Variants in RINT1 observed in about 807,000 individuals in gnomAD.
The protein encoded by RINT1 is RAD50 interactor 1.
In RINT1, 75 loss-of-function variants were observed where a neutral mutation model predicts 97.7. The observed-to-expected ratio is 0.77, with a 90% CI of 0.64 to 0.93. The LOEUF is 0.93. Among genes scored for constraint, RINT1 ranks in the 40% least tolerant of loss-of-function variants. The probability of loss-of-function intolerance (pLI) is 0.00; values close to 1 mark genes in which losing one functional copy is unlikely to be tolerated. For missense variants in RINT1, 892 were observed against 925.2 expected, an observed-to-expected ratio of 0.96 and a Z score of 0.47; for synonymous variants, 303 against 326.3, an observed-to-expected ratio of 0.93 and a Z score of 0.77.
intron 3 of RINT1, among the ~76,000 whole-genome samples, chr7:105,539,602 T>G (rs1396792803): frequency 6.6e-6 from 1 of 152,104 alleles, no homozygotes; most frequent in East Asian, 1.9e-4. Context: ...TCAGGTGATC[T>G]GCCCGAAAGT....
At chr7:105,539,310 G>A (rs1202493408) in intron 3 of RINT1, among the ~76,000 whole-genome samples, 1 of 150,344 alleles carries the variant, frequency 6.7e-6, no homozygotes, top group African/African-American at 2.4e-5. Flanking sequence ...CAAGTCATCT[G>A]AGTTCAGCCT....
In RINT1 at chr7:105,547,031, A is replaced by C. The variant is rs1193018133; in HGVS notation, c.637A>C (p.Met213Leu). 1 of 1,614,068 alleles carries C rather than the reference A, an allele frequency of 6.2e-7. No individual in the cohort carries two copies. Among genetic ancestry groups the C allele is most frequent in the South Asian group, 1.1e-5 (1 of 91,044 alleles). The part of the protein sequence containing the change: ...ESSCTHLLGF[M>L]RATVKFWHKI... ...ATCTTGTACTCATCTTCTTGGTTTC[A>C]TGAGAGCCACAGTTAAATTCTGGCA... The change falls in exon 5 of 15, where the codon ATG becomes CTG. Residue 213 changes from methionine to leucine, a missense_variant. Met to Leu is a conservative substitution (Grantham distance 15, BLOSUM62 2). Coordinates refer to ENST00000257700, the MANE Select transcript of RINT1 (RefSeq NM_021930.6).
At chr7:105,554,496 T>G (rs1167849633) in intron 10 of RINT1, among the ~76,000 whole-genome samples, 1 of 151,406 alleles carries the variant, frequency 6.6e-6, no homozygotes, top group African/African-American at 2.4e-5. Context: ...TGGAAAGCAG[T>G]GGTGCCATGT....
intron 1 of RINT1, 22 bp from the exon 2 acceptor site, chr7:105,532,802 G>C: frequency 6.2e-7 from 1 of 1,613,774 alleles, no homozygotes; most frequent in South Asian, 1.1e-5. Context: ...TAATGTGCTT[G>C]TCACATCTGT....
intron 3 of RINT1, among the ~76,000 whole-genome samples, chr7:105,538,531 A>G (rs1223053355): frequency 6.6e-6 from 1 of 152,130 alleles, no homozygotes; most frequent in Non-Finnish European, 1.5e-5. Context: ...AGCTGAGTAG[A>G]TTGATGCCAA....
chr7:105,534,275 G>A (rs967559950), intron 2 of RINT1, among the ~76,000 whole-genome samples: 1 of 152,056 alleles, frequency 6.6e-6, no homozygotes, highest in Non-Finnish European at 1.5e-5. Context: ...CACCATTTTG[G>A]TTAGGCTGGT....
At chr7:105,536,245 G>A (rs1187382475) in intron 2 of RINT1, among the ~76,000 whole-genome samples, 1 of 152,096 alleles carries the variant, frequency 6.6e-6, no homozygotes, top group East Asian at 1.9e-4. Flanking sequence ...TGCAACCTCT[G>A]CCTCTTGGGT....
chr7:105,550,192 T>C, intron 8 of RINT1, 27 bp downstream of exon 8: 1 of 1,605,610 alleles, frequency 6.2e-7, no homozygotes, highest in South Asian at 1.1e-5. Context: ...TAAGTGTTTC[T>C]GTTTTAGAAC....
chr7:105,532,382 G>A, intron 1 of RINT1, 25 bp downstream of exon 1: 2 of 1,595,932 alleles, frequency 1.3e-6, no homozygotes, highest in Non-Finnish European at 1.7e-6. Flanking sequence ...GCGTCCCTGG[G>A]AGGGGACATT....
At chr7:105,547,475 A>G in intron 6 of RINT1, 142 bp downstream of exon 6, 1 of 773,316 alleles carries the variant, frequency 1.3e-6, no homozygotes, top group East Asian at 2.5e-5. Flanking sequence ...ATGTCCACTG[A>G]GTGGTGGACT....
In RINT1 at chr7:105,542,546, G is replaced by A. The variant is rs760885620; in HGVS notation, c.412G>A (p.Ala138Thr). Residue 138 changes from alanine (A) to threonine (T), a missense_variant, in exon 4 of 15, where the codon GCG (alanine) becomes ACG (threonine). Transcript: ENST00000257700. The stretch of plus-strand genomic sequence containing the variant: ...CGCCATTAACAGCCATTTGCTGACT[G>A]CGCAACCTTGGATGGACGATCTTGG... The part of the protein sequence containing the change: ...FSAINSHLLT[A>T]QPWMDDLGTM... 6 of 1,614,046 alleles carry A rather than the reference G, an allele frequency of 3.7e-6. No homozygotes were observed. Among genetic ancestry groups the A allele is most frequent in the Non-Finnish European group, 5.1e-6 (6 of 1,180,044 alleles).
rs746150202 is a variant in RINT1 at position 105,567,611 on chromosome 7, C to T, written c.*300C>T. On this transcript the variant is annotated 3_prime_UTR_variant, in exon 15 of 15. Coordinates refer to ENST00000257700, the MANE Select transcript of RINT1 (RefSeq NM_021930.6). ...TAAATTATAACCAACTTTCAATTTC[C>T]TGTGCTAATTAAGGGAAATTCTGTT... 1.8e-6 allele frequency: 1 copy of T among 561,882 alleles called. No individual in the cohort carries two copies. Among genetic ancestry groups the T allele is most frequent in the East Asian group, 2.9e-5 (1 of 34,782 alleles). The allele number at this position is 561,882 out of a possible 1,614,324, so 34.8% of individuals were successfully genotyped here.
chr7:105,565,781 C>T, intron 14 of RINT1, 133 bp downstream of exon 14: 1 of 627,612 alleles, frequency 1.6e-6, no homozygotes, highest in South Asian at 2.0e-5. Context: ...TGTCTATCTA[C>T]TGTATGCTTA....
At chr7:105,560,431 C>A (rs1791388512) in intron 11 of RINT1, among the ~76,000 whole-genome samples, 1 of 152,078 alleles carries the variant, frequency 6.6e-6, no homozygotes, top group African/African-American at 2.4e-5. Flanking sequence ...GCCCATGACA[C>A]ATTGCCATGC....
intron 3 of RINT1, among the ~76,000 whole-genome samples, chr7:105,536,973 A>T (rs1379896694): frequency 2.6e-5 from 4 of 152,124 alleles, no homozygotes; most frequent in African/African-American, 9.7e-5. Context: ...ACATAGTGAG[A>T]CCTAACATTT....
chr7:105,532,412 A>G, intron 1 of RINT1, 55 bp downstream of exon 1: 3 of 1,554,104 alleles, frequency 1.9e-6, no homozygotes, highest in Non-Finnish European at 2.6e-6. Context: ...TTGAGGTGGC[A>G]CAGACCTCCC....
intron 14 of RINT1, 33 bp from the exon 15 acceptor site, chr7:105,567,086 A>C (rs1410538666): frequency 2.2e-6 from 3 of 1,336,116 alleles, no homozygotes; most frequent in African/African-American, 1.5e-5. Context: ...GATAATGGAG[A>C]TCTCATTTCC....
intron 4 of RINT1, 66 bp downstream of exon 4, chr7:105,542,715 ATG>A: frequency 1.4e-6 from 2 of 1,476,116 alleles, no homozygotes; most frequent in Non-Finnish European, 9.1e-7. Context: ...TAGAGAGTAC[ATG>A]TGTGCCATTA....
At chr7:105,549,301 C>T (rs1790822653) in intron 7 of RINT1, among the ~76,000 whole-genome samples, 1 of 151,044 alleles carries the variant, frequency 6.6e-6, no homozygotes, top group Admixed American at 6.6e-5. Flanking sequence ...CTTGGTATTT[C>T]TGCTCTTAAA....
Sources: allele counts gnomAD v4.1 joint callset (sites outside exome capture counted in the v4.1 genomes callset), GRCh38; gene constraint gnomAD v4.1.1; transcripts MANE v1.5; gene names NCBI Gene and HGNC (gene_info 2026-07-23, HGNC 2026-07-21).